SYN3: variants seen among roughly 807,000 people sequenced by gnomAD.
SYN3 encodes the protein synapsin-3.
Under a neutral mutation model 65.8 loss-of-function variants are expected in SYN3, and 35 were observed. The ratio of observed to expected loss-of-function variants is 0.53; its 90% CI spans 0.41 to 0.70. The LOEUF (loss-of-function observed/expected upper bound fraction) is 0.70, where lower values mean the gene tolerates loss of function less well. SYN3 is among the 30% of genes least tolerant of loss of function. SYN3 has a pLI of 0.00. For missense variants in SYN3, 680 were observed against 749.0 expected (o/e 0.91, Z 1.08); for synonymous variants, 270 against 292.9 (o/e 0.92, Z 0.80).
intron 1 of SYN3, among the ~76,000 whole-genome samples, chr22:33,036,935 C>T (rs1479884506): frequency 2.0e-4 from 31 of 152,214 alleles, no homozygotes; most frequent in Non-Finnish European, 5.9e-5. Context: ...AGGTGATCCG[C>T]CCACCTCGGC....
rs944511246 is a variant in SYN3 at position 32,509,810 on chromosome 22, C to T, written c.*3882G>A. Among the ~76,000 whole-genome samples the T allele has an allele frequency of 3.9e-5, 6 of 152,146 alleles. No homozygotes were observed. The highest frequency in any genetic ancestry group is 1.9e-4 in the East Asian group (1 of 5,164). On this transcript the variant is annotated 3_prime_UTR_variant, in exon 14 of 14. Coordinates refer to ENST00000358763, the MANE Select transcript of SYN3 (RefSeq NM_003490.4). Reference sequence around the variant, plus strand: ...GTCTCGATCTCCTGACCTAGTCATCCGCCCACCTCGGCCTCCCAAAGTGCT... The same window carrying T: ...GTCTCGATCTCCTGACCTAGTCATCTGCCCACCTCGGCCTCCCAAAGTGCT...
At chr22:32,546,664 T>C (rs2058340207) in intron 7 of SYN3, among the ~76,000 whole-genome samples, 1 of 151,372 alleles carries the variant, frequency 6.6e-6, no homozygotes, top group Non-Finnish European at 1.5e-5. Context: ...GGGCAGGGAG[T>C]CTTGGCACTC....
At chr22:32,814,141 T>TGA (rs1205873097) in intron 6 of SYN3, among the ~76,000 whole-genome samples, 28 of 98,540 alleles carry the variant, frequency 2.8e-4, no homozygotes, top group African/African-American at 9.1e-4. Flanking sequence ...TGTGTGTGTG[T>TGA]GAGAGAGAGA....
intron 6 of SYN3, among the ~76,000 whole-genome samples, chr22:32,679,731 T>C (rs941800994): frequency 2.0e-5 from 3 of 152,114 alleles, no homozygotes; most frequent in Non-Finnish European, 4.4e-5. Flanking sequence ...TGATTAGCCA[T>C]GTTCAGCATC....
intron 6 of SYN3, among the ~76,000 whole-genome samples, chr22:32,737,034 T>C (rs1291392913): frequency 6.6e-6 from 1 of 152,174 alleles, no homozygotes; most frequent in East Asian, 1.9e-4. Context: ...AAGGGGAGAA[T>C]TGCAAACAAC....
chr22:32,649,090 A>T (rs1270895561), intron 6 of SYN3, among the ~76,000 whole-genome samples: 3 of 152,170 alleles, frequency 2.0e-5, no homozygotes, highest in Non-Finnish European at 4.4e-5. Flanking sequence ...AGTTTCTTCC[A>T]CTAGAGGCGG....
intron 4 of SYN3, among the ~76,000 whole-genome samples, chr22:32,900,925 A>T (rs2049742099): frequency 6.6e-6 from 1 of 152,224 alleles, no homozygotes; most frequent in Admixed American, 6.5e-5. Context: ...ACATGACGGC[A>T]GCGGAAATAT....
intron 6 of SYN3, among the ~76,000 whole-genome samples, chr22:32,597,759 G>T (rs895744690): frequency 6.6e-6 from 1 of 152,108 alleles, no homozygotes; most frequent in Admixed American, 6.5e-5. Flanking sequence ...CCAGCTCCTA[G>T]AACACGGCCT....
intron 6 of SYN3, among the ~76,000 whole-genome samples, chr22:32,786,654 G>T (rs5754287): frequency 0.048 from 7,259 of 152,164 alleles, 210 homozygotes; most frequent in Non-Finnish European, 0.052. Context: ...GAGCCACCAC[G>T]CCCGGCCCTG....
chr22:32,942,686 T>G (rs1347779190), intron 3 of SYN3, among the ~76,000 whole-genome samples: 1 of 152,120 alleles, frequency 6.6e-6, no homozygotes, highest in African/African-American at 2.4e-5. Flanking sequence ...GCAAAGAAGC[T>G]AAAACCTTGA....
At chr22:32,612,542 G>C (rs999293471) in intron 6 of SYN3, among the ~76,000 whole-genome samples, 3 of 152,152 alleles carry the variant, frequency 2.0e-5, no homozygotes, top group Admixed American at 6.5e-5. Flanking sequence ...AAAGAAAAAA[G>C]TATAGAGAAA....
chr22:32,931,647 G>A (rs1218985282), intron 3 of SYN3, among the ~76,000 whole-genome samples, 166 bp from the exon 4 acceptor site: 3 of 152,204 alleles, frequency 2.0e-5, no homozygotes, highest in African/African-American at 7.2e-5. Flanking sequence ...AGATGAGGAA[G>A]CTGAGGCTCT....
intron 6 of SYN3, among the ~76,000 whole-genome samples, chr22:32,647,450 T>A (rs1371768547): frequency 6.7e-6 from 1 of 149,170 alleles, no homozygotes; most frequent in Non-Finnish European, 1.5e-5. Flanking sequence ...TTTTTCTTTT[T>A]CTTTTTTTTT....
chr22:32,727,179 C>T (rs576451933), intron 6 of SYN3, among the ~76,000 whole-genome samples: 1 of 152,200 alleles, frequency 6.6e-6, no homozygotes, highest in Admixed American at 6.5e-5. Context: ...GTGTTGTTTC[C>T]CCCATGTGTC....
chr22:32,858,872 C>A (rs545684782), intron 6 of SYN3, among the ~76,000 whole-genome samples: 1 of 152,108 alleles, frequency 6.6e-6, no homozygotes, highest in Non-Finnish European at 1.5e-5. Context: ...CCACCTGAGA[C>A]GAAAAAGTCC....
chr22:32,737,534 C>T (rs2061350520), intron 6 of SYN3, among the ~76,000 whole-genome samples: 1 of 151,744 alleles, frequency 6.6e-6, no homozygotes, highest in Admixed American at 6.6e-5. Context: ...TCTCACTGTT[C>T]AATTCCCACC....
At position 32,511,182 on chromosome 22, in the gene SYN3, T is replaced by C. The variant is rs2057687618; in HGVS notation, c.*2510A>G. On this transcript the variant is annotated 3_prime_UTR_variant, in exon 14 of 14. Transcript: ENST00000358763. ...TTTCCCTATGCCCCACTTGGCTTTC[T>C]TCAGAAATTCCAAGGGAGTGGTGAA... Among the ~76,000 whole-genome samples, 1 of 152,212 alleles carries C rather than the reference T, an allele frequency of 6.6e-6. No individual in the cohort carries two copies. The highest frequency in any genetic ancestry group is 2.4e-5 in the African/African-American group (1 of 41,460).
chr22:32,573,787 G>A (rs928931457), intron 7 of SYN3, among the ~76,000 whole-genome samples: 6 of 129,288 alleles, frequency 4.6e-5, no homozygotes, highest in African/African-American at 1.9e-4. Flanking sequence ...TTTTTTTTTG[G>A]GAGACAGAGT....
At chr22:32,763,716 T>C (rs2045548928) in intron 6 of SYN3, among the ~76,000 whole-genome samples, 1 of 152,158 alleles carries the variant, frequency 6.6e-6, no homozygotes, top group African/African-American at 2.4e-5. Flanking sequence ...TCTGCCTTAG[T>C]AGGAAACTTT....
Sources: allele counts gnomAD v4.1 joint callset (sites outside exome capture counted in the v4.1 genomes callset), GRCh38; gene constraint gnomAD v4.1.1; transcripts MANE v1.5; gene names NCBI Gene and HGNC (gene_info 2026-07-23, HGNC 2026-07-21).